The following TLK1 variants were observed in gnomAD, a reference collection of about 807,000 sequenced individuals.
The protein encoded by TLK1 is serine/threonine-protein kinase tousled-like 1.
Under a neutral mutation model 105.3 loss-of-function variants are expected in TLK1, and 24 were observed. That is an observed-to-expected ratio of 0.23 (90% CI 0.17 to 0.32). The LOEUF is 0.32. Ranked by LOEUF, TLK1 falls within the 10% of genes least tolerant of loss-of-function variation. The probability of loss-of-function intolerance (pLI) is 1.00; values close to 1 mark genes in which losing one functional copy is unlikely to be tolerated. For synonymous variants in TLK1, 321 were observed against 310.4 expected (o/e 1.03, Z -0.36); for missense variants, 558 against 910.5 (o/e 0.61, Z 4.98).
At chr2:170,998,034 CTCTATCTATCTTTA>C (rs1220087399) in intron 18 of TLK1, among the ~76,000 whole-genome samples, 55 of 150,154 alleles carry the variant, frequency 3.7e-4, no homozygotes, top group African/African-American at 1.3e-3. Context: ...TAAAGTTCAT[CTCTATCTATCTTTA>C]TCTATCTATC....
intron 18 of TLK1, among the ~76,000 whole-genome samples, chr2:170,998,078 CTATCTATCTAT>C (rs1157430928): frequency 1.7e-3 from 159 of 92,238 alleles, no homozygotes; most frequent in African/African-American, 5.8e-3. Context: ...ATCTATCTAT[CTATCTATCTAT>C]CTACCTACCT....
intron 1 of TLK1, among the ~76,000 whole-genome samples, chr2:171,225,171 A>G: frequency 6.6e-6 from 1 of 152,234 alleles, no homozygotes; most frequent in East Asian, 1.9e-4. Context: ...TTCTGCTTCA[A>G]AGGACATCAG....
chr2:171,086,590 T>C (rs190043867), intron 2 of TLK1, among the ~76,000 whole-genome samples: 5 of 145,908 alleles, frequency 3.4e-5, no homozygotes, highest in African/African-American at 1.3e-4. Context: ...CGCACCACTA[T>C]ATGCCAGCCT....
intron 2 of TLK1, among the ~76,000 whole-genome samples, chr2:171,088,727 T>TCCAA (rs1018703995): frequency 6.6e-6 from 1 of 152,106 alleles, no homozygotes; most frequent in Non-Finnish European, 1.5e-5. Flanking sequence ...GAAAATGATT[T>TCCAA]CCAACCTAGA....
Position 171,214,963 on chromosome 2 carries a change from C to T in TLK1, c.-6+16182G>A, listed in dbSNP as rs548251502. Among the ~76,000 whole-genome samples, 380 of 151,474 alleles carry T rather than the reference C, an allele frequency of 2.5e-3. 3 individuals are homozygous for T. Among genetic ancestry groups the T allele is most frequent in the Admixed American group, 4.3e-3 (66 of 15,204 alleles). On this transcript the variant is annotated intron_variant, in intron 1 of 20. Transcript: ENST00000521943. ...AACTCTTTTCTTTTTTTTTTTGAGA[C>T]GGGGCCTTGCTCTGTCTCCCAGGCT...
chr2:171,210,092 TAA>T (rs1224966186), intron 1 of TLK1, among the ~76,000 whole-genome samples: 2 of 152,164 alleles, frequency 1.3e-5, no homozygotes, highest in African/African-American at 4.8e-5. Flanking sequence ...TTCCTTATGT[TAA>T]AAAGTTGTAT....
intron 1 of TLK1, among the ~76,000 whole-genome samples, chr2:171,138,732 G>A (rs1180907386): frequency 7.2e-5 from 11 of 152,164 alleles, no homozygotes; most frequent in Non-Finnish European, 1.6e-4. Context: ...TCAAATATAT[G>A]TAGTAAGTAA....
chr2:171,046,438 A>G lies in TLK1; in HGVS notation c.981-76T>C, dbSNP rs1686965819. 2.2e-5 allele frequency: 31 copies of G among 1,414,324 alleles called. No individual in the cohort carries two copies. In the South Asian group the frequency reaches 4.2e-4, roughly 19 times the overall value. 87.6% of individuals were successfully genotyped at this position (1,414,324 alleles called of 1,614,324 possible). The stretch of plus-strand genomic sequence containing the variant: ...AGGCTAAACTTGGAAAAAATGCATA[A>G]AAAACATGAAAAACCATAAAATATA... On this transcript the variant is annotated intron_variant, in intron 10 of 20. Coordinates refer to ENST00000431350, the MANE Select transcript of TLK1 (RefSeq NM_012290.5).
At chr2:171,021,152 GT>G (rs1685481686) in intron 12 of TLK1, among the ~76,000 whole-genome samples, 1 of 152,150 alleles carries the variant, frequency 6.6e-6, no homozygotes, top group African/African-American at 2.4e-5. Context: ...AAACAGGCAG[GT>G]TTTAATTCTG....
chr2:171,076,967 C>A (rs745550693), intron 3 of TLK1, among the ~76,000 whole-genome samples: 4 of 151,894 alleles, frequency 2.6e-5, no homozygotes, highest in Non-Finnish European at 4.4e-5. Flanking sequence ...TCAAGAAACA[C>A]GGGCTCTTAT....
At chr2:171,015,576 TAATC>T (rs992994408) in intron 12 of TLK1, among the ~76,000 whole-genome samples, 4 of 152,064 alleles carry the variant, frequency 2.6e-5, no homozygotes, top group Middle Eastern at 3.4e-3. Context: ...AGAAATTTAA[TAATC>T]AATATAAATA....
intron 11 of TLK1, among the ~76,000 whole-genome samples, chr2:171,036,974 C>T (rs1686373804): frequency 6.6e-6 from 1 of 152,044 alleles, no homozygotes; most frequent in African/African-American, 2.4e-5. Context: ...CAAGGTTGCT[C>T]ATCAGCTGAT....
At chr2:171,209,183 A>G (rs202036463) in intron 1 of TLK1, among the ~76,000 whole-genome samples, 1 of 152,362 alleles carries the variant, frequency 6.6e-6, no homozygotes, top group East Asian at 1.9e-4. Flanking sequence ...AAATAAGAGC[A>G]TGTATTTGCA....
intron 1 of TLK1, among the ~76,000 whole-genome samples, chr2:171,146,502 AT>A (rs1483987275): frequency 6.6e-6 from 1 of 152,254 alleles, no homozygotes; most frequent in Non-Finnish European, 1.5e-5. Flanking sequence ...AATGGAAAAT[AT>A]TCAAATATAT....
intron 12 of TLK1, 138 bp downstream of exon 12, chr2:171,028,201 T>A (rs1044459921): frequency 1.5e-6 from 1 of 659,868 alleles, no homozygotes; most frequent in Non-Finnish European, 2.7e-6. Flanking sequence ...CTTTAATGCA[T>A]CTCTTTTTAA....
intron 13 of TLK1, among the ~76,000 whole-genome samples, chr2:171,014,388 TG>T (rs1249841276): frequency 3.4e-5 from 5 of 149,136 alleles, no homozygotes; most frequent in African/African-American, 1.2e-4. Flanking sequence ...TTTAAAGAAA[TG>T]GGGGTCTCAC....
chr2:171,025,805 T>G (rs1040430247), intron 12 of TLK1, among the ~76,000 whole-genome samples: 4 of 152,226 alleles, frequency 2.6e-5, no homozygotes, highest in African/African-American at 9.6e-5. Context: ...TTATTGCTTA[T>G]TATTTTTTAA....
chr2:171,134,341 A>G (rs1455282171), intron 1 of TLK1, among the ~76,000 whole-genome samples: 1 of 152,190 alleles, frequency 6.6e-6, no homozygotes, highest in Non-Finnish European at 1.5e-5. Flanking sequence ...TTCTTGCAAT[A>G]TATTACCTTT....
rs574121587 is a variant in TLK1, at chr2:171,005,664, T to C, written c.1904+483A>G. Among the ~76,000 whole-genome samples, 18 of 152,204 alleles carry C rather than the reference T, an allele frequency of 1.2e-4. No individual in the cohort carries two copies. In the South Asian group the frequency reaches 3.5e-3, roughly 30 times the overall value. ...GGGCAGATCGCTTGAGCCTAGGAGT[T>C]TGAGGCTGCAATGAACTAAGATTAC... is the stretch of plus-strand genomic sequence containing the variant. On this transcript the variant is annotated intron_variant, in intron 18 of 20. Transcript: ENST00000431350.
Sources: gnomAD v4.1 joint callset for allele counts (sites outside exome capture counted in the v4.1 genomes callset) on GRCh38, gnomAD v4.1.1 for gene constraint, MANE v1.5 for transcripts, NCBI Gene and HGNC (gene_info 2026-07-23, HGNC 2026-07-21) for gene names.